CCDC7: variants seen among roughly 807,000 people sequenced by gnomAD.
The protein encoded by CCDC7 is coiled-coil domain-containing protein 7.
CCDC7 carries 183 observed loss-of-function variants against 196.9 expected under a neutral mutation model. The ratio of observed to expected loss-of-function variants is 0.93; its 90% confidence interval spans 0.82 to 1.05. The LOEUF (loss-of-function observed/expected upper bound fraction) is 1.05. CCDC7 is among the 50% of genes least tolerant of loss of function. CCDC7 has a pLI of 0.00. For missense variants in CCDC7, 1,540 were observed against 1,482.2 expected (o/e 1.04, Z -0.64); for synonymous variants, 525 against 484.6 (o/e 1.08, Z -1.10).
chr10:32,700,846 GCTCT>G (rs2078586683), intron 24 of CCDC7, among the ~76,000 whole-genome samples: 1 of 152,040 alleles, frequency 6.6e-6, no homozygotes, highest in Non-Finnish European at 1.5e-5. Context: ...TCACGATTTG[GCTCT>G]CTGTTTGTCT....
At chr10:32,859,301 C>G (rs1195636225) in intron 41 of CCDC7, among the ~76,000 whole-genome samples, 2 of 152,144 alleles carry the variant, frequency 1.3e-5, no homozygotes, top group Non-Finnish European at 2.9e-5. Context: ...AACTGAACAA[C>G]CTGCTCCTGA....
At chr10:32,446,895 TGCCTGC>T, upstream of CCDC7, among the ~76,000 whole-genome samples, 1 of 79,818 alleles carries the variant, frequency 1.3e-5, no homozygotes, top group South Asian at 4.9e-4. Context: ...CCTGCCTGCC[TGCCTGC>T]CTGCCTCCCT....
At chr10:32,667,066 TTCTAACTGGTGTGAGA>T (rs2072945752) in intron 21 of CCDC7, among the ~76,000 whole-genome samples, 1 of 152,196 alleles carries the variant, frequency 6.6e-6, no homozygotes, top group African/African-American at 2.4e-5. Context: ...ATGATCACCA[TTCTAACTGGTGTGAGA>T]TGGTATCTCA....
Position 32,831,776 on chromosome 10 carries a change from CCTT to C in CCDC7, c.3269-3033_3269-3031del, listed in dbSNP as rs1392977578. On this transcript the variant is annotated intron_variant, in intron 32 of 41. Coordinates refer to ENST00000639629, the Ensembl canonical transcript of CCDC7. ...GCTTTCATCTCCTATGATAACGATG[CCTT>C]CTTCTGGAATACGTCCTGAGGGACC... 4.6e-5 allele frequency among the ~76,000 whole-genome samples: 7 copies of C among 152,122 alleles called. No individual in the cohort carries two copies. The East Asian group carries it at 1.2e-3, about 25-fold the overall frequency.
chr10:32,791,247 TC>T (rs199608371), intron 29 of CCDC7, among the ~76,000 whole-genome samples: 4 of 147,102 alleles, frequency 2.7e-5, no homozygotes, highest in African/African-American at 1.0e-4. Flanking sequence ...TGAGTCTTTT[TC>T]AAAAAAAAAA....
intron 28 of CCDC7, among the ~76,000 whole-genome samples, chr10:32,759,799 G>A (rs1227730164): frequency 6.6e-6 from 1 of 152,138 alleles, no homozygotes; most frequent in African/African-American, 2.4e-5. Context: ...CCATCAGAGT[G>A]AACAGGCAAC....
chr10:32,853,412 G>T (rs2093637635), intron 40 of CCDC7, among the ~76,000 whole-genome samples: 1 of 152,014 alleles, frequency 6.6e-6, no homozygotes. Flanking sequence ...AAAAATAATG[G>T]CAGATATACA....
intron 28 of CCDC7, among the ~76,000 whole-genome samples, chr10:32,759,382 G>T (rs892724047): frequency 1.3e-5 from 2 of 152,144 alleles, no homozygotes; most frequent in African/African-American, 4.8e-5. Context: ...CATGGTACTG[G>T]TACCAAAACA....
Position 32,849,936 on chromosome 10 carries a change from T to C in CCDC7, c.3895+1218T>C, listed in dbSNP as rs146056931. Among the ~76,000 whole-genome samples the C allele has an allele frequency of 2.4e-3, 361 of 152,198 alleles. 2 individuals carry two copies. Among genetic ancestry groups the C allele is most frequent in the African/African-American group, 8.3e-3 (343 of 41,526 alleles). On this transcript the variant is annotated intron_variant, in intron 39 of 41. Transcript: ENST00000639629. ...TTCTGCAGGGGGGAACTTGGATCCC[T>C]ACTTCTGAAGGCGGGGGGCACTGGC...
chr10:32,599,874 G>A (rs1217840804), intron 18 of CCDC7, among the ~76,000 whole-genome samples: 5 of 152,082 alleles, frequency 3.3e-5, no homozygotes. Flanking sequence ...TGTGGCTATT[G>A]AGGTTTCCCA....
At chr10:32,534,448 G>A (rs1246328468) in intron 11 of CCDC7, among the ~76,000 whole-genome samples, 2 of 152,076 alleles carry the variant, frequency 1.3e-5, no homozygotes, top group Admixed American at 6.6e-5. Context: ...ATGATTTCTT[G>A]TTTGCTGTTG....
exon 6 of CCDC7, chr10:32,471,131 T>C (rs1202336019): frequency 1.2e-6 from 2 of 1,612,712 alleles, no homozygotes; most frequent in Non-Finnish European, 1.7e-6. Context: ...ATTTTAAATA[T>C]TGCAGAAATA....
intron 18 of CCDC7, among the ~76,000 whole-genome samples, chr10:32,608,084 A>G (rs902324026): frequency 1.8e-4 from 28 of 151,912 alleles, no homozygotes; most frequent in African/African-American, 6.5e-4. Context: ...ACGTTTTCCA[A>G]TTTGTTAGCA....
intron 16 of CCDC7, chr10:32,574,339 A>G (rs893758186): frequency 3.9e-6 from 3 of 761,676 alleles, no homozygotes; most frequent in Non-Finnish European, 5.3e-6. Flanking sequence ...ATTACATATT[A>G]TATTATGTTG....
intron 21 of CCDC7, among the ~76,000 whole-genome samples, chr10:32,685,730 A>G (rs1432439141): frequency 6.6e-6 from 1 of 152,176 alleles, no homozygotes; most frequent in Non-Finnish European, 1.5e-5. Context: ...ACCTAGGAAA[A>G]ATATAGACTA....
intron 20 of CCDC7, among the ~76,000 whole-genome samples, chr10:32,641,245 G>C (rs2066743547): frequency 6.6e-6 from 1 of 152,194 alleles, no homozygotes; most frequent in Non-Finnish European, 1.5e-5. Context: ...CCTGAAGAGT[G>C]TTTTCCAGCT....
At chr10:32,628,361 A>C (rs1353626445) in intron 18 of CCDC7, among the ~76,000 whole-genome samples, 2 of 151,794 alleles carry the variant, frequency 1.3e-5, no homozygotes, top group South Asian at 2.1e-4. Context: ...ATGTTACATC[A>C]GTTGTAATAC....
intron 8 of CCDC7, among the ~76,000 whole-genome samples, chr10:32,479,309 A>G (rs1238554506): frequency 6.6e-6 from 1 of 152,130 alleles, no homozygotes; most frequent in Non-Finnish European, 1.5e-5. Context: ...ATCTTAGAGG[A>G]AAATCTTTCA....
intron 11 of CCDC7, among the ~76,000 whole-genome samples, chr10:32,535,272 A>C (rs1367767677): frequency 2.0e-5 from 3 of 152,040 alleles, no homozygotes; most frequent in African/African-American, 4.8e-5. Flanking sequence ...GTTGTGGTTT[A>C]AAACAAGAAA....
Sources: allele counts gnomAD v4.1 joint callset (sites outside exome capture counted in the v4.1 genomes callset), GRCh38; gene constraint gnomAD v4.1.1; transcripts MANE v1.5; gene names NCBI Gene and HGNC (gene_info 2026-07-23, HGNC 2026-07-21).